Variants in GPC6 observed in about 807,000 individuals in gnomAD.
GPC6 encodes glypican-6.
A neutral mutation model predicts 55.2 loss-of-function variants in GPC6; 14 were observed. The ratio of observed to expected loss-of-function variants is 0.25; its 90% CI spans 0.17 to 0.40. The LOEUF (loss-of-function observed/expected upper bound fraction) is 0.40. GPC6 is among the 10% of genes least tolerant of loss of function. The probability of loss-of-function intolerance (pLI) is 1.00; values close to 1 mark genes in which losing one functional copy is unlikely to be tolerated. For missense variants in GPC6, 641 were observed against 708.5 expected, an observed-to-expected ratio of 0.90 and a Z score of 1.08; for synonymous variants, 278 against 259.6, an observed-to-expected ratio of 1.07 and a Z score of -0.68.
intron 2 of GPC6, among the ~76,000 whole-genome samples, chr13:93,591,766 T>A (rs969691083): frequency 6.6e-6 from 1 of 152,146 alleles, no homozygotes; most frequent in African/African-American, 2.4e-5. Flanking sequence ...CTATATGAGA[T>A]CAAAAAAGAC....
intron 2 of GPC6, among the ~76,000 whole-genome samples, chr13:93,741,209 G>A (rs1884189326): frequency 7.2e-6 from 1 of 138,198 alleles, no homozygotes; most frequent in Admixed American, 8.1e-5. Flanking sequence ...CCGCCTCCCA[G>A]GTTCACGCCA....
At chr13:93,804,469 C>T (rs552204364) in intron 2 of GPC6, among the ~76,000 whole-genome samples, 2 of 152,298 alleles carry the variant, frequency 1.3e-5, no homozygotes, top group South Asian at 2.1e-4. Context: ...TACTTCTCAC[C>T]TGTCGGTTCC....
At chr13:93,755,980 A>G (rs1884755393) in intron 2 of GPC6, among the ~76,000 whole-genome samples, 1 of 152,214 alleles carries the variant, frequency 6.6e-6, no homozygotes, top group South Asian at 2.1e-4. Flanking sequence ...TTCCACCAAT[A>G]ACTTTATCTC....
intron 3 of GPC6, among the ~76,000 whole-genome samples, chr13:93,937,637 G>A (rs1878502365): frequency 1.3e-5 from 2 of 152,096 alleles, no homozygotes; most frequent in Admixed American, 1.3e-4. Flanking sequence ...GGAGTGCAGT[G>A]ACTTCATCTC....
At chr13:93,675,597 A>C (rs889004138) in intron 2 of GPC6, among the ~76,000 whole-genome samples, 1 of 152,184 alleles carries the variant, frequency 6.6e-6, no homozygotes, top group Admixed American at 6.6e-5. Context: ...AGCCTTTTGC[A>C]TACATTTTAG....
At chr13:93,388,769 T>C (rs1054571589) in intron 1 of GPC6, among the ~76,000 whole-genome samples, 10 of 152,210 alleles carry the variant, frequency 6.6e-5, no homozygotes, top group Non-Finnish European at 1.3e-4. Context: ...TTTATTCCTT[T>C]CTTTATTATC....
At chr13:93,971,158 T>C (rs184435054) in intron 3 of GPC6, among the ~76,000 whole-genome samples, 27 of 152,344 alleles carry the variant, frequency 1.8e-4, no homozygotes, top group Non-Finnish European at 2.8e-4. Flanking sequence ...CAAAACAAAT[T>C]ATTTCATTTT....
At chr13:94,150,974 C>T (rs1284532248) in intron 4 of GPC6, among the ~76,000 whole-genome samples, 1 of 151,644 alleles carries the variant, frequency 6.6e-6, no homozygotes, top group Admixed American at 6.6e-5. Context: ...AATTTCCCTC[C>T]TAGTTTGCTC....
chr13:93,944,096 C>G (rs924843817), intron 3 of GPC6, among the ~76,000 whole-genome samples: 7 of 152,078 alleles, frequency 4.6e-5, no homozygotes, highest in African/African-American at 1.7e-4. Context: ...GGGTGAAATG[C>G]CTTTTTACAA....
At chr13:93,423,290 A>G (rs1255115843) in intron 1 of GPC6, among the ~76,000 whole-genome samples, 2 of 152,202 alleles carry the variant, frequency 1.3e-5, no homozygotes, top group Non-Finnish European at 2.9e-5. Flanking sequence ...CTGTTAATCA[A>G]TTGTAGAACA....
rs188807486 is a variant in GPC6, at chr13:93,906,083, T to C, written c.711+75538T>C. Among the ~76,000 whole-genome samples, 17 of 152,260 alleles carry C rather than the reference T, an allele frequency of 1.1e-4. 1 individual carries two copies. The highest frequency in any genetic ancestry group is 9.8e-4 in the Admixed American group (15 of 15,298). The stretch of plus-strand genomic sequence containing the variant: ...GCAAAGGGGGAATGTATTATAAGGA[T>C]GCAGGGGGTGTCTCAGAACCTCAGT... On this transcript the variant is annotated intron_variant, in intron 3 of 8. Coordinates refer to ENST00000377047, the MANE Select transcript of GPC6 (RefSeq NM_005708.5).
chr13:93,566,749 G>A (rs1372159251), intron 2 of GPC6, among the ~76,000 whole-genome samples: 2 of 151,848 alleles, frequency 1.3e-5, no homozygotes, highest in Non-Finnish European at 2.9e-5. Flanking sequence ...GGTGTGTGAT[G>A]TTCCCCTCCC....
intron 1 of GPC6, among the ~76,000 whole-genome samples, chr13:93,478,853 T>C (rs1879396216): frequency 6.6e-6 from 1 of 152,208 alleles, no homozygotes; most frequent in Admixed American, 6.5e-5. Context: ...CAAATAATAC[T>C]GTCAGAAGTA....
At chr13:93,888,714 C>T (rs1277199367) in intron 3 of GPC6, among the ~76,000 whole-genome samples, 2 of 152,058 alleles carry the variant, frequency 1.3e-5, no homozygotes, top group South Asian at 2.1e-4. Context: ...TTTAATTTTT[C>T]CTTGAAGAAG....
chr13:93,615,419 T>C (rs1878670075), intron 2 of GPC6, among the ~76,000 whole-genome samples: 1 of 152,158 alleles, frequency 6.6e-6, no homozygotes, highest in African/African-American at 2.4e-5. Context: ...GATTTTCTTA[T>C]TACATTTTTA....
chr13:94,372,659 G>A (rs202215994), intron 6 of GPC6, among the ~76,000 whole-genome samples: 8,875 of 152,198 alleles, frequency 0.058, 395 homozygotes, highest in East Asian at 0.23. Context: ...CATTGCCCAG[G>A]CTTGATTAGG....
chr13:94,199,791 C>G (rs1889694526), intron 4 of GPC6, among the ~76,000 whole-genome samples: 1 of 152,174 alleles, frequency 6.6e-6, no homozygotes, highest in Non-Finnish European at 1.5e-5. Flanking sequence ...TTCCCTTCCT[C>G]TCCCCTTTTT....
chr13:93,282,267 G>C (rs1877977651), intron 1 of GPC6, among the ~76,000 whole-genome samples: 1 of 152,160 alleles, frequency 6.6e-6, no homozygotes, highest in Non-Finnish European at 1.5e-5. Flanking sequence ...TTTCCCTTGA[G>C]CTGAAGAGGC....
intron 1 of GPC6, among the ~76,000 whole-genome samples, chr13:93,412,832 G>A (rs1876560859): frequency 6.6e-6 from 1 of 152,120 alleles, no homozygotes; most frequent in African/African-American, 2.4e-5. Flanking sequence ...GCACCAGTCA[G>A]GCTCTATAAT....
Sources: gnomAD v4.1 joint callset for allele counts (sites outside exome capture counted in the v4.1 genomes callset) on GRCh38, gnomAD v4.1.1 for gene constraint, MANE v1.5 for transcripts, NCBI Gene and HGNC (gene_info 2026-07-23, HGNC 2026-07-21) for gene names.